Variants in PHLPP2 observed in about 807,000 individuals in gnomAD.
PHLPP2 encodes the protein PH domain and leucine rich repeat protein phosphatase 2, also known as PH domain leucine-rich repeat-containing protein phosphatase 2.
Under a neutral mutation model 124.9 loss-of-function variants are expected in PHLPP2, and 66 were observed. The ratio of observed to expected loss-of-function variants is 0.53; its 90% CI spans 0.43 to 0.65. The LOEUF (loss-of-function observed/expected upper bound fraction) is 0.65, where lower values mean the gene tolerates loss of function less well. Among genes scored for constraint, PHLPP2 ranks in the 30% least tolerant of loss-of-function variants. PHLPP2 has a pLI of 0.00. For missense variants in PHLPP2, 1,685 were observed against 1,600.4 expected, an observed-to-expected ratio of 1.05 and a Z score of -0.90; for synonymous variants, 681 against 624.7, an observed-to-expected ratio of 1.09 and a Z score of -1.34.
At chr16:71,683,282 A>G (rs2045020768) in intron 5 of PHLPP2, among the ~76,000 whole-genome samples, 1 of 152,248 alleles carries the variant, frequency 6.6e-6, no homozygotes, top group Non-Finnish European at 1.5e-5. Context: ...GAGAATTTGG[A>G]AATCACAATA....
intron 3 of PHLPP2, among the ~76,000 whole-genome samples, chr16:71,691,779 T>C (rs1044943260): frequency 3.3e-5 from 5 of 151,852 alleles, no homozygotes; most frequent in Non-Finnish European, 7.4e-5. Flanking sequence ...AAACAGCACA[T>C]AATAACAGAA....
rs753860788 is a variant in PHLPP2 at position 71,649,500 on chromosome 16, T to C, written c.3362A>G (p.His1121Arg). 2 of 1,613,974 alleles carry C rather than the reference T, an allele frequency of 1.2e-6. No individual in the cohort carries two copies. The highest frequency in any genetic ancestry group is 8.5e-7 in the Non-Finnish European group (1 of 1,179,988). Residue 1121 changes from histidine to arginine, a missense_variant, in exon 19 of 19, where the codon CAC (histidine) becomes CGC (arginine). By Grantham distance (29) the His-to-Arg change is conservative. Transcript: ENST00000568954. ...LPRPERRCSL[H>R]PTPTSGLFQR... ...AAACAGCCCAGAGGTGGGTGTTGGG[T>C]GGAGGCTGCAGCGCCGCTCTGGCCT... is the stretch of plus-strand genomic sequence containing the variant.
chr16:71,686,770 C>T (rs2045058787), intron 4 of PHLPP2, among the ~76,000 whole-genome samples: 1 of 149,594 alleles, frequency 6.7e-6, no homozygotes, highest in Non-Finnish European at 1.5e-5. Flanking sequence ...CAGTTCTTTC[C>T]CTTTTTTTTT....
rs183198256 is a variant in PHLPP2 at position 71,654,642 on chromosome 16, G to A, written c.2585+598C>T. ...GGTAAGCGTTCTGAGCACACTTAAC[G>A]TAGGCTAGGTGAAGCCATGATGTTC... On this transcript the variant is annotated intron_variant, in intron 17 of 18. Coordinates refer to ENST00000568954, the MANE Select transcript of PHLPP2 (RefSeq NM_015020.3). Among the ~76,000 whole-genome samples the A allele has an allele frequency of 5.9e-5, 9 of 152,256 alleles. No individual in the cohort carries two copies. In the East Asian group the frequency reaches 1.4e-3, roughly 23 times the overall value.
At chr16:71,684,754 G>T in intron 4 of PHLPP2, 153 bp from the exon 5 acceptor site, 1 of 643,882 alleles carries the variant, frequency 1.6e-6, no homozygotes, top group Non-Finnish European at 2.6e-6. Context: ...ATCTGCCAAT[G>T]GGTCACACAT....
intron 6 of PHLPP2, among the ~76,000 whole-genome samples, chr16:71,681,145 A>G (rs1037722461): frequency 1.6e-4 from 25 of 152,226 alleles, no homozygotes; most frequent in Non-Finnish European, 3.4e-4. Context: ...CCAGAAGCCC[A>G]GACAATTACT....
intron 9 of PHLPP2, among the ~76,000 whole-genome samples, chr16:71,672,661 T>A (rs1230786907): frequency 6.6e-6 from 1 of 152,198 alleles, no homozygotes; most frequent in East Asian, 1.9e-4. Context: ...AATTGAAGTA[T>A]AACAAAAATA....
In PHLPP2 at chr16:71,674,560, A is replaced by G. The variant is rs1331106284; in HGVS notation, c.1471+1887T>C. Among the ~76,000 whole-genome samples, 5 of 150,956 alleles carry G rather than the reference A, an allele frequency of 3.3e-5. No homozygotes were observed. The East Asian group carries it at 9.8e-4, about 29-fold the overall frequency. On this transcript the variant is annotated intron_variant, in intron 9 of 18. Coordinates refer to ENST00000568954, the MANE Select transcript of PHLPP2 (RefSeq NM_015020.3). Reference sequence around the variant, plus strand: ...ATATAACTATCACAATATACATTTAATTATGCACTTTTCCTTGCTCAAAAA... The same window carrying G: ...ATATAACTATCACAATATACATTTAGTTATGCACTTTTCCTTGCTCAAAAA...
chr16:71,720,126 C>T (rs1195126539), intron 1 of PHLPP2, among the ~76,000 whole-genome samples: 1 of 151,640 alleles, frequency 6.6e-6, no homozygotes, highest in Non-Finnish European at 1.5e-5. Context: ...CCCACCACCT[C>T]GCCTGGCTAA....
At chr16:71,702,439 T>A (rs2045241176) in intron 3 of PHLPP2, among the ~76,000 whole-genome samples, 159 bp downstream of exon 3, 1 of 152,220 alleles carries the variant, frequency 6.6e-6, no homozygotes, top group African/African-American at 2.4e-5. Flanking sequence ...ACCCCTGACC[T>A]CTTGGCTTTT....
intron 5 of PHLPP2, 107 bp from the exon 6 acceptor site, chr16:71,682,012 G>GA (rs11439127): frequency 0.85 from 547,576 of 643,610 alleles, 234,696 homozygotes; most frequent in East Asian, 0.98. Context: ...AAAAAGATAG[G>GA]AAAAAAAAGG....
rs1366397187 is a variant in PHLPP2, at chr16:71,672,242, C to G, written c.1532+20G>C. On this transcript the variant is annotated intron_variant, in intron 10 of 18. Transcript: ENST00000568954. The stretch of plus-strand genomic sequence containing the variant: ...CTTAAATAGTAAGAAGCAAGCGCCA[C>G]CCTCATGAAAGACACTCACCGGGAG... The G allele has an allele frequency of 6.3e-7, 1 of 1,598,692 alleles. No homozygotes were observed. Among genetic ancestry groups the G allele is most frequent in the South Asian group, 1.1e-5 (1 of 90,586 alleles).
Position 71,667,251 on chromosome 16 carries a change from G to C in PHLPP2, c.1711C>G (p.Pro571Ala), listed in dbSNP as rs368389821. ...TGCTGAAGATCCAGCACCTCGAGGG[G>C]GATGTGCTCTACCAGTGTTGGAAGG... ...QNLPTLVEHI[P>A]LEVLDLQHNA... The change falls in exon 12 of 19, where the codon CCC becomes GCC. Residue 571 changes from proline to alanine, a missense_variant. By Grantham distance (27) the Pro-to-Ala change is conservative. Transcript: ENST00000568954. 87 of 1,613,258 alleles carry C rather than the reference G, an allele frequency of 5.4e-5. No individual in the cohort carries two copies. The highest frequency in any genetic ancestry group is 7.0e-5 in the Non-Finnish European group (82 of 1,179,470).
chr16:71,653,723 G>C (rs2044716116), intron 17 of PHLPP2, among the ~76,000 whole-genome samples: 3 of 152,114 alleles, frequency 2.0e-5, no homozygotes, highest in African/African-American at 7.2e-5. Context: ...ACAATTCCTG[G>C]CTTGAGTTGC....
In PHLPP2 at chr16:71,679,535, T is replaced by C. The variant is rs1249901618; in HGVS notation, c.891A>G (p.Lys297=). 6.2e-7 allele frequency: 1 copy of C among 1,613,624 alleles called. No homozygotes were observed. The highest frequency in any genetic ancestry group is 8.5e-7 in the Non-Finnish European group (1 of 1,179,864). Residue 297 remains lysine (K), a splice_region_variant and synonymous_variant, in exon 7 of 19, where the codon AAA becomes AAG. Coordinates refer to ENST00000568954, the MANE Select transcript of PHLPP2 (RefSeq NM_015020.3). ...ERPGGLDTLY[K]FSQLKGLNLS... ...AGTTCAGGCCCTTCAGTTGAGAAAA[T>C]CTAAAGAGCAAAGGCAAAAATGGGT... is the stretch of plus-strand genomic sequence containing the variant.
chr16:71,654,668 G>A (rs964061726), intron 17 of PHLPP2, among the ~76,000 whole-genome samples: 5 of 152,160 alleles, frequency 3.3e-5, no homozygotes, highest in Non-Finnish European at 5.9e-5. Flanking sequence ...CATGATGTTC[G>A]TTAGGTTAGG....
chr16:71,664,213 GA>G (rs539298017), intron 12 of PHLPP2, 114 bp from the exon 13 acceptor site: 117,765 of 491,558 alleles, frequency 0.24, 2 homozygotes, highest in South Asian at 0.31. Context: ...TTCCAAATGG[GA>G]AAAAAAAAAA....
At chr16:71,718,811 C>A (rs1413319134) in intron 1 of PHLPP2, among the ~76,000 whole-genome samples, 2 of 152,180 alleles carry the variant, frequency 1.3e-5, no homozygotes, top group African/African-American at 4.8e-5. Context: ...ACATTCCGCC[C>A]TAAGAAGATA....
intron 11 of PHLPP2, among the ~76,000 whole-genome samples, chr16:71,668,415 CAAAAAAAAAAAAAA>C (rs34860764): frequency 9.3e-4 from 25 of 26,946 alleles, no homozygotes; most frequent in Admixed American, 7.4e-3. Flanking sequence ...GACTCTGTCT[CAAAAAAAAAAAAAA>C]AAAAAAAAAA....
Sources: allele counts gnomAD v4.1 joint callset (sites outside exome capture counted in the v4.1 genomes callset), GRCh38; gene constraint gnomAD v4.1.1; transcripts MANE v1.5; gene names NCBI Gene and HGNC (gene_info 2026-07-23, HGNC 2026-07-21).